The following SORCS2 variants were observed in gnomAD, a reference collection of about 807,000 sequenced individuals.
SORCS2 encodes the protein VPS10 domain-containing receptor SorCS2.
In SORCS2, 100 loss-of-function variants were observed where a neutral mutation model predicts 141.6. That is an observed-to-expected ratio of 0.71 (90% CI 0.60 to 0.83). The LOEUF (loss-of-function observed/expected upper bound fraction) is 0.83. SORCS2 is among the 40% of genes least tolerant of loss of function. The pLI, the probability that SORCS2 is intolerant of heterozygous loss-of-function variation, is 0.00. For missense variants in SORCS2, 1,646 were observed against 1,560.2 expected, an observed-to-expected ratio of 1.05 and a Z score of -0.93; for synonymous variants, 789 against 676.9, an observed-to-expected ratio of 1.17 and a Z score of -2.57.
At chr4:7,447,853 G>A (rs1728097981) in intron 2 of SORCS2, among the ~76,000 whole-genome samples, 1 of 152,174 alleles carries the variant, frequency 6.6e-6, no homozygotes, top group Non-Finnish European at 1.5e-5. Context: ...TGTGCGTTTT[G>A]GGTTACTGAG....
At position 7,726,919 on chromosome 4, in the gene SORCS2, G is replaced by A. The variant is rs745630630; in HGVS notation, c.2869+16G>A. 1.1e-4 allele frequency: 174 copies of A among 1,607,806 alleles called. No individual in the cohort carries two copies. Among genetic ancestry groups the A allele is most frequent in the Non-Finnish European group, 1.4e-4 (164 of 1,175,620 alleles). On this transcript the variant is annotated intron_variant, in intron 21 of 26. Coordinates refer to ENST00000507866, the MANE Select transcript of SORCS2 (RefSeq NM_020777.3). The stretch of plus-strand genomic sequence containing the variant: ...CGTGTGCTGGGTAAGTACTTCCTGG[G>A]GTCTGGCAGCACGGCCTCTGCATCT...
chr4:7,372,828 C>G (rs1350937683), intron 1 of SORCS2, among the ~76,000 whole-genome samples: 1 of 152,016 alleles, frequency 6.6e-6, no homozygotes, highest in Non-Finnish European at 1.5e-5. Context: ...GCATCTGTGA[C>G]CTTCCGGGCC....
At chr4:7,395,247 G>T (rs994243654) in intron 1 of SORCS2, among the ~76,000 whole-genome samples, 1 of 152,204 alleles carries the variant, frequency 6.6e-6, no homozygotes, top group African/African-American at 2.4e-5. Flanking sequence ...CTGTGGAAAC[G>T]GCACCTTAGG....
chr4:7,659,116 G>T (rs2108910558), intron 5 of SORCS2, among the ~76,000 whole-genome samples: 1 of 152,268 alleles, frequency 6.6e-6, no homozygotes, highest in South Asian at 2.1e-4. Context: ...AGGGAGTCTT[G>T]CTTTGCAGAA....
chr4:7,260,191 C>G (rs1192650095), intron 1 of SORCS2, among the ~76,000 whole-genome samples: 2 of 152,212 alleles, frequency 1.3e-5, no homozygotes, highest in Non-Finnish European at 2.9e-5. Context: ...ACTGGGCATC[C>G]AAAGAATGGG....
chr4:7,244,179 A>G (rs1216871156), intron 1 of SORCS2, among the ~76,000 whole-genome samples: 8 of 152,016 alleles, frequency 5.3e-5, no homozygotes, highest in African/African-American at 1.9e-4. Flanking sequence ...AGCCTCCAGA[A>G]CCTGCCAATC....
intron 1 of SORCS2, among the ~76,000 whole-genome samples, chr4:7,388,652 A>G (rs1577485983): frequency 6.6e-6 from 1 of 152,054 alleles, no homozygotes; most frequent in East Asian, 1.9e-4. Context: ...GATTGTTTTT[A>G]AATTGAGATA....
chr4:7,563,495 C>G (rs1184115979), intron 3 of SORCS2, among the ~76,000 whole-genome samples: 1 of 152,150 alleles, frequency 6.6e-6, no homozygotes, highest in African/African-American at 2.4e-5. Flanking sequence ...GCATTATTTT[C>G]CCTGCCACTT....
chr4:7,467,598 G>T (rs943074113), intron 2 of SORCS2, among the ~76,000 whole-genome samples: 1 of 152,208 alleles, frequency 6.6e-6, no homozygotes, highest in Non-Finnish European at 1.5e-5. Flanking sequence ...GCTGCTCACA[G>T]CTCAGCGGGG....
At chr4:7,295,796 C>T (rs536750007) in intron 1 of SORCS2, among the ~76,000 whole-genome samples, 7 of 152,360 alleles carry the variant, frequency 4.6e-5, no homozygotes, top group Admixed American at 2.6e-4. Context: ...TTGGTTTCCT[C>T]ACCTGTCCAA....
chr4:7,671,180 G>A (rs545990616), intron 8 of SORCS2, among the ~76,000 whole-genome samples: 96 of 152,084 alleles, frequency 6.3e-4, no homozygotes, highest in Non-Finnish European at 1.2e-3. Context: ...CAAAAAATAA[G>A]AACAAAACAT....
intron 3 of SORCS2, among the ~76,000 whole-genome samples, chr4:7,594,092 C>T (rs985018043): frequency 1.3e-5 from 2 of 152,178 alleles, no homozygotes; most frequent in African/African-American, 4.8e-5. Context: ...CAATTCCTGC[C>T]CTCACAATGC....
At chr4:7,709,974 G>A (rs1023487626) in intron 14 of SORCS2, among the ~76,000 whole-genome samples, 3 of 152,074 alleles carry the variant, frequency 2.0e-5, no homozygotes, top group Non-Finnish European at 2.9e-5. Flanking sequence ...AGACCCCTTC[G>A]GCACCTCTTT....
At position 7,663,154 on chromosome 4, in the gene SORCS2, GTGAGTGAGTGAATGAGTGATGAGTGAA is replaced by G. The variant is rs1454441262; in HGVS notation, c.953-1187_953-1161del. Among the ~76,000 whole-genome samples, 65 of 152,134 alleles carry G rather than the reference GTGAGTGAGTGAATGAGTGATGAGTGAA, an allele frequency of 4.3e-4. No individual in the cohort carries two copies. The highest frequency in any genetic ancestry group is 1.5e-3 in the African/African-American group (63 of 41,474). ...AATAAGTGAGTGAGTAATTGAAAGA[GTGAGTGAGTGAATGAGTGATGAGTGAA>G]TGAGTGAGTGAGTGAAGAGTGAATG... is the stretch of plus-strand genomic sequence containing the variant. On this transcript the variant is annotated intron_variant, in intron 6 of 26. Coordinates refer to ENST00000507866, the MANE Select transcript of SORCS2 (RefSeq NM_020777.3). This position sits in a 1 kb window ranked among gnomAD's most constrained non-coding sequence, Gnocchi z 4.8.
chr4:7,408,462 G>C (rs143658675), intron 2 of SORCS2, among the ~76,000 whole-genome samples: 154 of 151,722 alleles, frequency 1.0e-3, no homozygotes, highest in African/African-American at 3.4e-3. Context: ...TGAGAAGTCT[G>C]TTGCCGGATG....
intron 5 of SORCS2, among the ~76,000 whole-genome samples, chr4:7,657,579 G>A (rs1304867270): frequency 6.6e-6 from 1 of 151,860 alleles, no homozygotes; most frequent in African/African-American, 2.4e-5. Context: ...GTAACTGACT[G>A]AATGAATGAA....
intron 12 of SORCS2, among the ~76,000 whole-genome samples, chr4:7,700,151 G>C (rs533583708): frequency 6.6e-6 from 1 of 152,298 alleles, no homozygotes; most frequent in African/African-American, 2.4e-5. Context: ...TGATGCCCTT[G>C]TGCCTCCGAA....
intron 3 of SORCS2, among the ~76,000 whole-genome samples, chr4:7,628,053 C>G (rs1719629196): frequency 6.6e-6 from 1 of 152,232 alleles, no homozygotes; most frequent in African/African-American, 2.4e-5. Context: ...TGTCTCCACT[C>G]TTGTGCCTGT....
At chr4:7,453,734 A>C (rs1326720036) in intron 2 of SORCS2, among the ~76,000 whole-genome samples, 2 of 61,610 alleles carry the variant, frequency 3.2e-5, no homozygotes, top group African/African-American at 7.1e-5. Context: ...TGGGGTCAGG[A>C]GCTGTGTGTT....
Sources: gnomAD v4.1 joint callset for allele counts (sites outside exome capture counted in the v4.1 genomes callset) on GRCh38, gnomAD v4.1.1 for gene constraint, Gnocchi (gnomAD v3.1) non-coding constraint, MANE v1.5 for transcripts, NCBI Gene and HGNC (gene_info 2026-07-23, HGNC 2026-07-21) for gene names.